The following CREB3L2 variants were observed in gnomAD, a reference collection of about 807,000 sequenced individuals.
CREB3L2 encodes cyclic AMP-responsive element-binding protein 3-like protein 2.
Under a neutral mutation model 57.2 loss-of-function variants are expected in CREB3L2, and 23 were observed. That is an observed-to-expected ratio of 0.40 (90% CI 0.29 to 0.57). CREB3L2 has a LOEUF of 0.57. Among genes scored for constraint, CREB3L2 ranks in the 20% least tolerant of loss-of-function variants. CREB3L2 has a pLI of 0.42. For missense variants in CREB3L2, 628 were observed against 634.7 expected, an observed-to-expected ratio of 0.99 and a Z score of 0.11; for synonymous variants, 268 against 265.1, an observed-to-expected ratio of 1.01 and a Z score of -0.11.
intron 7 of CREB3L2, among the ~76,000 whole-genome samples, chr7:137,902,330 A>ATGCC (rs987769194): frequency 3.3e-5 from 5 of 151,912 alleles, no homozygotes; most frequent in Admixed American, 6.6e-5. Flanking sequence ...AGTGTTCTCA[A>ATGCC]TGCCCATCAT....
chr7:137,958,241 T>G (rs1413708785), intron 1 of CREB3L2, among the ~76,000 whole-genome samples: 1 of 152,152 alleles, frequency 6.6e-6, no homozygotes, highest in Non-Finnish European at 1.5e-5. Context: ...CCAACACAAG[T>G]TAGAACTCAG....
At chr7:137,885,234 C>T in intron 9 of CREB3L2, 113 bp from the exon 10 acceptor site, 1 of 1,292,316 alleles carries the variant, frequency 7.7e-7, no homozygotes, top group Non-Finnish European at 1.1e-6. Context: ...CAGTGGACTG[C>T]ACCCACCAGT....
intron 11 of CREB3L2, among the ~76,000 whole-genome samples, chr7:137,882,207 C>T (rs147961633): frequency 6.6e-5 from 10 of 152,264 alleles, no homozygotes; most frequent in Non-Finnish European, 1.3e-4. Flanking sequence ...GGGGAGCTCA[C>T]GCTGGTTTTT....
intron 2 of CREB3L2, among the ~76,000 whole-genome samples, chr7:137,924,224 G>T (rs1482705813): frequency 1.3e-5 from 2 of 152,142 alleles, no homozygotes; most frequent in African/African-American, 2.4e-5. Flanking sequence ...TTCCACCCTT[G>T]ACTACATTTG....
At chr7:137,963,358 G>A (rs1377333533) in intron 1 of CREB3L2, among the ~76,000 whole-genome samples, 2 of 152,170 alleles carry the variant, frequency 1.3e-5, no homozygotes, top group East Asian at 1.9e-4. Context: ...AGGTATTAAT[G>A]TCAAGCTTTT....
At position 137,896,859 on chromosome 7, in the gene CREB3L2, CCAGA is replaced by C. The variant is rs1799637574; in HGVS notation, c.1043+4491_1043+4494del. ...TGTTCTGCTTTGTAAGTAAAATAAG[CCAGA>C]CAAAGACAAATACTGTATGGTATCA... On this transcript the variant is annotated intron_variant, in intron 8 of 11. Transcript: ENST00000330387. Among the ~76,000 whole-genome samples, 5 of 152,178 alleles carry C rather than the reference CCAGA, an allele frequency of 3.3e-5. No individual in the cohort carries two copies. The South Asian group carries it at 1.0e-3, about 32-fold the overall frequency.
rs1041982625 is a variant in CREB3L2 at position 138,001,599 on chromosome 7, C to T, written c.102+5G>A. The T allele has an allele frequency of 3.1e-6, 5 of 1,609,070 alleles. No individual in the cohort carries two copies. Among genetic ancestry groups the T allele is most frequent in the Non-Finnish European group, 3.4e-6 (4 of 1,177,130 alleles). On this transcript the variant is annotated splice_donor_5th_base_variant and intron_variant, in intron 1 of 11. Transcript: ENST00000330387. This position sits in a 1 kb window ranked among gnomAD's most constrained non-coding sequence, Gnocchi z 4.2. Reference sequence around the variant, plus strand: ...GCCCTCCTGCCCCGCCCGCCGGGTCCTCACCGTGTGGTACATGAGGGCCTC... The same window carrying T: ...GCCCTCCTGCCCCGCCCGCCGGGTCTTCACCGTGTGGTACATGAGGGCCTC...
intron 1 of CREB3L2, among the ~76,000 whole-genome samples, chr7:137,981,729 G>T (rs1010468974): frequency 2.6e-5 from 4 of 152,186 alleles, no homozygotes; most frequent in Non-Finnish European, 5.9e-5. Context: ...CTTTGAGTCC[G>T]AATCTTGAGA....
At chr7:137,958,358 C>T (rs986888307) in intron 1 of CREB3L2, among the ~76,000 whole-genome samples, 2 of 152,068 alleles carry the variant, frequency 1.3e-5, no homozygotes, top group African/African-American at 4.8e-5. Flanking sequence ...TATTTTCCCT[C>T]AAAATGATCA....
chr7:137,944,625 C>A (rs17169454), intron 1 of CREB3L2, among the ~76,000 whole-genome samples: 2,992 of 152,270 alleles, frequency 0.02, 101 homozygotes, highest in African/African-American at 0.069. Flanking sequence ...AAATAGCCCA[C>A]ATATGAGTAT....
chr7:137,979,300 G>A (rs1483896089), intron 1 of CREB3L2, among the ~76,000 whole-genome samples: 1 of 152,138 alleles, frequency 6.6e-6, no homozygotes, highest in African/African-American at 2.4e-5. Context: ...TGATTTTCCT[G>A]TTCCTACCCT....
intron 1 of CREB3L2, among the ~76,000 whole-genome samples, chr7:137,986,188 C>T (rs960582071): frequency 1.5e-4 from 23 of 152,354 alleles, no homozygotes; most frequent in African/African-American, 5.3e-4. Flanking sequence ...ATTTGTTCAT[C>T]CATTCATTCA....
intron 7 of CREB3L2, among the ~76,000 whole-genome samples, chr7:137,901,968 C>T (rs1345101726): frequency 6.7e-6 from 1 of 149,834 alleles, no homozygotes; most frequent in African/African-American, 2.5e-5. Flanking sequence ...CTGAGGCAGG[C>T]AGATCACTTG....
intron 8 of CREB3L2, among the ~76,000 whole-genome samples, chr7:137,889,276 T>C (rs887396672): frequency 2.0e-5 from 3 of 152,096 alleles, no homozygotes; most frequent in Non-Finnish European, 4.4e-5. Context: ...TAGGCTCAAA[T>C]TGGAATCCCC....
At chr7:137,992,004 T>C (rs1307144738) in intron 1 of CREB3L2, among the ~76,000 whole-genome samples, 2 of 151,982 alleles carry the variant, frequency 1.3e-5, no homozygotes, top group Non-Finnish European at 2.9e-5. Context: ...ATATGGATGG[T>C]TCAGAATAAC....
chr7:137,922,629 G>A (rs1356834446), intron 2 of CREB3L2: 5 of 446,688 alleles, frequency 1.1e-5, no homozygotes, highest in Non-Finnish European at 1.8e-5. Context: ...TGAACAACAC[G>A]GGTTTTGAAC....
chr7:137,978,693 T>C (rs1335382684), intron 1 of CREB3L2, among the ~76,000 whole-genome samples: 1 of 152,148 alleles, frequency 6.6e-6, no homozygotes, highest in Non-Finnish European at 1.5e-5. Flanking sequence ...TCATTCCCCC[T>C]GGGTGAATGA....
chr7:137,892,318 CTGAG>C (rs1315660732), intron 8 of CREB3L2, among the ~76,000 whole-genome samples: 1 of 150,364 alleles, frequency 6.7e-6, no homozygotes, highest in Admixed American at 6.6e-5. Context: ...TCAAAAAAGC[CTGAG>C]TGTTACTTAT....
At chr7:137,883,618 T>G (rs575852796) in intron 10 of CREB3L2, among the ~76,000 whole-genome samples, 15 of 152,296 alleles carry the variant, frequency 9.8e-5, no homozygotes, top group African/African-American at 3.6e-4. Flanking sequence ...AACCATATCT[T>G]CTAATAAAAG....
Sources: gnomAD v4.1 joint callset for allele counts (sites outside exome capture counted in the v4.1 genomes callset) on GRCh38, gnomAD v4.1.1 for gene constraint, Gnocchi (gnomAD v3.1) non-coding constraint, MANE v1.5 for transcripts, NCBI Gene and HGNC (gene_info 2026-07-23, HGNC 2026-07-21) for gene names.